Variants in SNX29 observed in about 807,000 individuals in gnomAD.
The protein encoded by SNX29 is sorting nexin 29.
In SNX29, 78 loss-of-function variants were observed where a neutral mutation model predicts 102.1. That is an observed-to-expected ratio of 0.76 (90% CI 0.64 to 0.92). The LOEUF is 0.92. Among genes scored for constraint, SNX29 ranks in the 40% least tolerant of loss-of-function variants. The probability of loss-of-function intolerance (pLI) is 0.00; values close to 1 mark genes in which losing one functional copy is unlikely to be tolerated. For synonymous variants in SNX29, 580 were observed against 414.5 expected (o/e 1.40, Z -4.85); for missense variants, 1,280 against 1,061.7 (o/e 1.21, Z -2.86).
Position 12,367,891 on chromosome 16 carries a change from G to T in SNX29, c.1899+11612G>T, listed in dbSNP as rs147279731. ...ATATCTCACATAGAGGCTTAACTCA[G>T]AAATATTAGCCTTTGACACAAAATT... On this transcript the variant is annotated intron_variant, in intron 16 of 20. Coordinates refer to ENST00000566228, the MANE Select transcript of SNX29 (RefSeq NM_032167.5). 7.8e-4 allele frequency among the ~76,000 whole-genome samples: 119 copies of T among 152,354 alleles called. 1 individual carries two copies. The highest frequency in any genetic ancestry group is 1.5e-3 in the Non-Finnish European group (103 of 68,038).
intron 17 of SNX29, among the ~76,000 whole-genome samples, chr16:12,400,115 C>T (rs2083882542): frequency 6.6e-6 from 1 of 152,134 alleles, no homozygotes; most frequent in African/African-American, 2.4e-5. Flanking sequence ...GAACCTCCCC[C>T]AACCAGTTTA....
chr16:12,482,656 T>G (rs2151836285), intron 19 of SNX29, among the ~76,000 whole-genome samples: 1 of 152,334 alleles, frequency 6.6e-6, no homozygotes, highest in Non-Finnish European at 1.5e-5. Context: ...ACCCATTAAA[T>G]GACTCACTGC....
chr16:12,441,929 A>G (rs1246597502), intron 18 of SNX29, among the ~76,000 whole-genome samples: 1 of 151,562 alleles, frequency 6.6e-6, no homozygotes, highest in Non-Finnish European at 1.5e-5. Context: ...GCTGGAATTA[A>G]AGACACCTGC....
chr16:12,543,286 C>A (rs369987679), intron 20 of SNX29, among the ~76,000 whole-genome samples: 1 of 152,164 alleles, frequency 6.6e-6, no homozygotes, highest in Non-Finnish European at 1.5e-5. Flanking sequence ...CATCTGGGTC[C>A]GTGCCTGTGG....
In SNX29 at chr16:12,021,317, T is replaced by C. The variant is rs376433061; in HGVS notation, c.123-6003T>C. ...GGTGCACACCTGTAATCCCAGCTCC[T>C]TGGGAGGCTGAGGCAGGACAATTGC... On this transcript the variant is annotated intron_variant, in intron 3 of 20. Transcript: ENST00000566228. Among the ~76,000 whole-genome samples, 39 of 152,096 alleles carry C rather than the reference T, an allele frequency of 2.6e-4. No homozygotes were observed. The South Asian group carries it at 2.7e-3, about 11-fold the overall frequency.
At chr16:12,175,693 G>C (rs527672327) in intron 13 of SNX29, among the ~76,000 whole-genome samples, 15 of 151,388 alleles carry the variant, frequency 9.9e-5, no homozygotes, top group African/African-American at 3.4e-4. Context: ...CGATAGGACC[G>C]ATACCCTTAT....
chr16:12,014,745 A>G (rs1490673045), intron 3 of SNX29, among the ~76,000 whole-genome samples: 3 of 151,644 alleles, frequency 2.0e-5, no homozygotes, highest in East Asian at 1.9e-4. Context: ...AAAAAAAAAA[A>G]AAAAAGAAAA....
chr16:12,086,245 C>T (rs1172616748), intron 11 of SNX29, among the ~76,000 whole-genome samples: 1 of 152,100 alleles, frequency 6.6e-6, no homozygotes. Flanking sequence ...TCCTTGTGAT[C>T]TGCCCGCCTC....
chr16:12,097,399 T>G (rs929782041), intron 11 of SNX29, among the ~76,000 whole-genome samples: 11 of 152,352 alleles, frequency 7.2e-5, no homozygotes, highest in Admixed American at 1.3e-4. Context: ...TTGAAGGGGC[T>G]GTATTTCAGG....
At chr16:12,192,504 C>G (rs949765386) in intron 13 of SNX29, among the ~76,000 whole-genome samples, 1 of 152,034 alleles carries the variant, frequency 6.6e-6, no homozygotes, top group East Asian at 1.9e-4. Context: ...TTGCTTGACA[C>G]CTTTTTAATT....
Position 12,070,398 on chromosome 16 carries a change from A to C in SNX29, c.1319+1266A>C, listed in dbSNP as rs573584606. The stretch of plus-strand genomic sequence containing the variant: ...TGTGTCCATGTGTTCTCATTGTTCA[A>C]TTCCTATCTATGAGTGAGAACATGT... On this transcript the variant is annotated intron_variant, in intron 10 of 20. Coordinates refer to ENST00000566228, the MANE Select transcript of SNX29 (RefSeq NM_032167.5). 2.2e-4 allele frequency among the ~76,000 whole-genome samples: 31 copies of C among 141,378 alleles called. No individual in the cohort carries two copies. In the South Asian group the frequency reaches 6.5e-3, roughly 29 times the overall value. 92.7% of individuals were successfully genotyped at this position (141,378 alleles called of 152,430 possible). A position where few individuals can be genotyped will look rare whatever the true frequency, so the allele number is the denominator to read the frequency against.
chr16:12,222,363 C>G (rs939911964), intron 14 of SNX29, among the ~76,000 whole-genome samples: 1 of 152,202 alleles, frequency 6.6e-6, no homozygotes, highest in African/African-American at 2.4e-5. Flanking sequence ...CTCTAAGCCT[C>G]TCCTTTCCTT....
At chr16:12,384,483 T>G (rs2083281002) in intron 16 of SNX29, among the ~76,000 whole-genome samples, 1 of 152,228 alleles carries the variant, frequency 6.6e-6, no homozygotes, top group Non-Finnish European at 1.5e-5. Context: ...TGGAGCACCT[T>G]TTCATAGACC....
intron 14 of SNX29, among the ~76,000 whole-genome samples, chr16:12,206,181 G>A (rs1258720484): frequency 2.0e-5 from 3 of 152,152 alleles, no homozygotes; most frequent in African/African-American, 7.2e-5. Flanking sequence ...GAGCTCTTGT[G>A]ATGACAGGAG....
chr16:12,411,029 T>G (rs1368198834), intron 18 of SNX29, among the ~76,000 whole-genome samples: 3 of 152,134 alleles, frequency 2.0e-5, no homozygotes, highest in Non-Finnish European at 4.4e-5. Context: ...ATTCATTAAG[T>G]AGAGAAAGAT....
intron 14 of SNX29, among the ~76,000 whole-genome samples, chr16:12,218,670 A>G (rs1227709144): frequency 6.6e-6 from 1 of 152,220 alleles, no homozygotes; most frequent in Non-Finnish European, 1.5e-5. Context: ...GTATAGCTAA[A>G]TCATTAATAT....
intron 3 of SNX29, among the ~76,000 whole-genome samples, chr16:12,018,095 A>C (rs1156322618): frequency 6.6e-6 from 1 of 152,102 alleles, no homozygotes; most frequent in Non-Finnish European, 1.5e-5. Context: ...AGGGGTGCCA[A>C]GTCCTTCCTG....
chr16:12,065,966 G>A (rs2051015699), intron 9 of SNX29, among the ~76,000 whole-genome samples: 1 of 152,182 alleles, frequency 6.6e-6, no homozygotes, highest in South Asian at 2.1e-4. Context: ...GGGGCCTTAA[G>A]GATGAGACGG....
intron 19 of SNX29, among the ~76,000 whole-genome samples, chr16:12,502,388 G>C (rs2089168486): frequency 6.6e-6 from 1 of 152,210 alleles, no homozygotes; most frequent in Admixed American, 6.5e-5. Flanking sequence ...TCGGGGAATG[G>C]CTTCAGAATG....
Sources: allele counts gnomAD v4.1 joint callset (sites outside exome capture counted in the v4.1 genomes callset), GRCh38; gene constraint gnomAD v4.1.1; transcripts MANE v1.5; gene names NCBI Gene and HGNC (gene_info 2026-07-23, HGNC 2026-07-21).